SBNO1: variants seen among roughly 807,000 people sequenced by gnomAD.
SBNO1 encodes the protein protein strawberry notch homolog 1.
SBNO1 carries 23 observed loss-of-function variants against 173.6 expected under a neutral mutation model. That is an observed-to-expected ratio of 0.13 (90% CI 0.10 to 0.19). The LOEUF is 0.19. SBNO1 is among the 10% of genes least tolerant of loss of function. The pLI, the probability that SBNO1 is intolerant of heterozygous loss-of-function variation, is 1.00. For missense variants in SBNO1, 1,238 were observed against 1,671.2 expected, an observed-to-expected ratio of 0.74 and a Z score of 4.52; for synonymous variants, 632 against 571.5, an observed-to-expected ratio of 1.11 and a Z score of -1.51.
intron 9 of SBNO1, among the ~76,000 whole-genome samples, 167 bp downstream of exon 9, chr12:123,330,252 T>C (rs539104410): frequency 1.2e-3 from 184 of 152,284 alleles, no homozygotes; most frequent in African/African-American, 4.2e-3. Context: ...GTTTAGCATA[T>C]AGGAATCCAC....
intron 28 of SBNO1, among the ~76,000 whole-genome samples, chr12:123,305,727 C>T (rs2048898010): frequency 6.6e-6 from 1 of 152,118 alleles, no homozygotes; most frequent in African/African-American, 2.4e-5. Flanking sequence ...CCCGCCCCGG[C>T]CTCCCAAAGT....
At position 123,290,406 on chromosome 12, in the gene SBNO1, G is replaced by A. The variant is rs371578458; in HGVS notation, c.*5502C>T. On this transcript the variant is annotated 3_prime_UTR_variant, in exon 32 of 32. Coordinates refer to ENST00000602398, the MANE Select transcript of SBNO1 (RefSeq NM_001167856.3). ...ACGGCAATCCTTGAAAGTTATAAAG[G>A]AACATTTTCTTACAGGTGCAAAATT... 7 of 152,276 alleles carry A rather than the reference G, an allele frequency of 4.6e-5. No homozygotes were observed. Among genetic ancestry groups the A allele is most frequent in the Admixed American group, 2.0e-4 (3 of 15,282 alleles). 9.4% of individuals were successfully genotyped at this position (152,276 alleles called of 1,614,324 possible).
Position 123,321,634 on chromosome 12 carries a change from T to C in SBNO1, c.2224A>G (p.Asn742Asp). The change falls in exon 17 of 32, where the codon AAT becomes GAT. Residue 742 changes from asparagine to aspartate, a missense_variant. Asn to Asp is a conservative substitution (Grantham distance 23). This residue lies in a region of SBNO1 where 81 missense variants were observed against 82.6 expected (regional missense o/e 0.98). Coordinates refer to ENST00000602398, the MANE Select transcript of SBNO1 (RefSeq NM_001167856.3). Reference sequence around the variant, plus strand: ...GAGCTCTCATAGTCACTTTCTTCATTATCAGAGGCATCAGATTCACTTCCA... The same window carrying C: ...GAGCTCTCATAGTCACTTTCTTCATCATCAGAGGCATCAGATTCACTTCCA... ...DSGSESDASD[N>D]EESDYESSKN... The C allele has an allele frequency of 6.2e-7, 1 of 1,614,040 alleles. No individual in the cohort carries two copies. Among genetic ancestry groups the C allele is most frequent in the Non-Finnish European group, 8.5e-7 (1 of 1,179,928 alleles).
chr12:123,356,689 C>T (rs1414982061), intron 1 of SBNO1, among the ~76,000 whole-genome samples: 1 of 152,240 alleles, frequency 6.6e-6, no homozygotes, highest in African/African-American at 2.4e-5. Context: ...ATTGATCCAT[C>T]CGCCTCGGCC....
chr12:123,364,179 G>T lies in SBNO1; in HGVS notation c.-1+522C>A, dbSNP rs1875793917. 4.1e-6 allele frequency: 4 copies of T among 985,436 alleles called. No individual in the cohort carries two copies. In the South Asian group the frequency reaches 1.4e-4, roughly 35 times the overall value. 61.0% of individuals were successfully genotyped at this position (985,436 alleles called of 1,614,324 possible). On this transcript the variant is annotated intron_variant, in intron 1 of 31. Coordinates refer to ENST00000602398, the MANE Select transcript of SBNO1 (RefSeq NM_001167856.3). The stretch of plus-strand genomic sequence containing the variant: ...CCAAGAGCGGGGCATGTACGAGACC[G>T]CGCTGTGGGGTTCAGATTTAGGAAG...
chr12:123,297,329 C>CAA (rs11427958), intron 31 of SBNO1, among the ~76,000 whole-genome samples: 4,432 of 31,848 alleles, frequency 0.14, 582 homozygotes, highest in Non-Finnish European at 0.2. Context: ...GACTCAGTCT[C>CAA]AAAAAAAAAA....
chr12:123,327,341 G>T, intron 13 of SBNO1, 85 bp downstream of exon 13: 1 of 1,084,560 alleles, frequency 9.2e-7, no homozygotes, highest in Non-Finnish European at 1.4e-6. Context: ...ATTCCCATGG[G>T]CAGGAGGCAT....
intron 30 of SBNO1, among the ~76,000 whole-genome samples, chr12:123,298,758 A>C (rs2048685864): frequency 6.6e-6 from 1 of 152,142 alleles, no homozygotes; most frequent in Non-Finnish European, 1.5e-5. Flanking sequence ...TAGTCATTTT[A>C]ATATCCATTA....
intron 1 of SBNO1, among the ~76,000 whole-genome samples, chr12:123,359,971 T>A (rs865932748): frequency 3.2e-4 from 49 of 152,270 alleles, no homozygotes; most frequent in African/African-American, 1.2e-3. Context: ...CCAGGCATGG[T>A]AGCTCAAGCC....
chr12:123,308,736 G>A (rs1301057380), intron 28 of SBNO1, among the ~76,000 whole-genome samples: 1 of 152,044 alleles, frequency 6.6e-6, no homozygotes, highest in Non-Finnish European at 1.5e-5. Context: ...GGGAGGACAA[G>A]GCAGGCAGAT....
At chr12:123,362,554 T>A (rs937103485) in intron 1 of SBNO1, among the ~76,000 whole-genome samples, 3 of 144,654 alleles carry the variant, frequency 2.1e-5, no homozygotes, top group African/African-American at 5.2e-5. Flanking sequence ...TCACTTGAGG[T>A]CACTAGTGTG....
intron 8 of SBNO1, among the ~76,000 whole-genome samples, chr12:123,330,997 C>CT (rs951969320): frequency 2.2e-4 from 34 of 152,170 alleles, no homozygotes; most frequent in African/African-American, 7.7e-4. Flanking sequence ...GAGTCGCACT[C>CT]TGTCACCCAG....
chr12:123,296,107 G>C (rs1294202916), intron 31 of SBNO1, 57 bp from the exon 32 acceptor site: 1 of 1,115,730 alleles, frequency 9.0e-7, no homozygotes, highest in African/African-American at 1.5e-5. Context: ...ACACTGTACA[G>C]CTTCACAGCA....
chr12:123,331,528 G>C (rs1871206257), intron 7 of SBNO1, among the ~76,000 whole-genome samples, 153 bp from the exon 8 acceptor site: 1 of 152,008 alleles, frequency 6.6e-6, no homozygotes, highest in South Asian at 2.1e-4. Flanking sequence ...ATAGAGTTTT[G>C]GATTTTTTTT....
At chr12:123,311,434 C>T (rs759862093) in intron 24 of SBNO1, among the ~76,000 whole-genome samples, 1 of 151,592 alleles carries the variant, frequency 6.6e-6, no homozygotes, top group African/African-American at 2.4e-5. Context: ...GAGCGCAGTG[C>T]GCGATCTCAG....
intron 25 of SBNO1, among the ~76,000 whole-genome samples, chr12:123,310,495 G>C (rs1174753249): frequency 1.3e-5 from 2 of 151,918 alleles, no homozygotes; most frequent in Admixed American, 6.6e-5. Context: ...GCCTCCCAAA[G>C]TGATGGGATT....
At position 123,291,011 on chromosome 12, in the gene SBNO1, G is replaced by C. The variant is rs1005674878; in HGVS notation, c.*4897C>G. The C allele has an allele frequency of 2.6e-5, 4 of 152,066 alleles. No homozygotes were observed. Among genetic ancestry groups the C allele is most frequent in the African/African-American group, 9.7e-5 (4 of 41,362 alleles). The allele number at this position is 152,066 out of a possible 1,614,324, so 9.4% of individuals were successfully genotyped here. A position where few individuals can be genotyped will look rare whatever the true frequency, so the allele number is the denominator to read the frequency against. ...GATCCGCCCGCCTCGGCCTCCCAAA[G>C]TGCTGGGATTACAGGCGTGAGCCAC... On this transcript the variant is annotated 3_prime_UTR_variant, in exon 32 of 32. Coordinates refer to ENST00000602398, the MANE Select transcript of SBNO1 (RefSeq NM_001167856.3).
In SBNO1 at chr12:123,334,089, T is replaced by C. The variant is rs370917532; in HGVS notation, c.873A>G (p.Ser291=). The change falls in exon 7 of 32, where the codon TCA becomes TCG. Residue 291 remains serine (S), a synonymous_variant. Transcript: ENST00000602398. The part of the protein sequence containing the change: ...SEETIDNGWL[S]ALQLEAITYA... ...ATGTAATTGCCTCAAGCTGCAATGC[T>C]GATAACCAGCCATTATCAATGGTTT... The C allele has an allele frequency of 4.7e-5, 76 of 1,601,908 alleles. No homozygotes were observed. Among genetic ancestry groups the C allele is most frequent in the Admixed American group, 1.2e-4 (7 of 58,406 alleles).
intron 1 of SBNO1, among the ~76,000 whole-genome samples, chr12:123,360,483 C>T (rs937077450): frequency 2.6e-5 from 4 of 151,976 alleles, no homozygotes; most frequent in Admixed American, 6.6e-5. Context: ...CTCGCTGTGT[C>T]GCCAAAGCTG....
Sources: allele counts gnomAD v4.1 joint callset (sites outside exome capture counted in the v4.1 genomes callset), GRCh38; gene constraint gnomAD v4.1.1; regional missense constraint gnomAD v4.1.1; transcripts MANE v1.5; gene names NCBI Gene and HGNC (gene_info 2026-07-23, HGNC 2026-07-21).